Variants in EPHA4 observed in about 807,000 individuals in gnomAD.
The protein encoded by EPHA4 is EPH receptor A4.
In EPHA4, 19 loss-of-function variants were observed where a neutral mutation model predicts 108.3. That is an observed-to-expected ratio of 0.18 (90% confidence interval 0.12 to 0.26). EPHA4 has a LOEUF of 0.26. Among genes scored for constraint, EPHA4 ranks in the 10% least tolerant of loss-of-function variants. The pLI is 1.00. For synonymous variants in EPHA4, 449 were observed against 455.5 expected, an observed-to-expected ratio of 0.99 and a Z score of 0.18; for missense variants, 917 against 1,254.0, an observed-to-expected ratio of 0.73 and a Z score of 4.06.
chr2:221,475,937 G>A (rs1300630040), intron 5 of EPHA4, among the ~76,000 whole-genome samples: 1 of 152,026 alleles, frequency 6.6e-6, no homozygotes, highest in African/African-American at 2.4e-5. Context: ...ATCATCATTT[G>A]GCCAGGTGAG....
intron 3 of EPHA4, among the ~76,000 whole-genome samples, chr2:221,558,637 T>C (rs1372567496): frequency 1.3e-5 from 2 of 152,114 alleles, no homozygotes; most frequent in African/African-American, 4.8e-5. Context: ...AGTCATCAAA[T>C]CTTGAATACC....
intron 15 of EPHA4, 36 bp from the exon 16 acceptor site, chr2:221,426,655 G>A: frequency 6.3e-7 from 1 of 1,578,538 alleles, no homozygotes; most frequent in Non-Finnish European, 8.6e-7. Flanking sequence ...GCAGAACGGA[G>A]CTACCAGTGA....
At chr2:221,566,830 AAGGAGAAGAAGG>A (rs1474878716) in intron 2 of EPHA4, among the ~76,000 whole-genome samples, 1 of 129,100 alleles carries the variant, frequency 7.7e-6, no homozygotes, top group African/African-American at 3.1e-5. Flanking sequence ...GAAGAAGGAG[AAGGAGAAGAAGG>A]AGAAGGAGAA....
At chr2:221,465,819 C>T (rs186961362) in intron 5 of EPHA4, among the ~76,000 whole-genome samples, 2 of 152,296 alleles carry the variant, frequency 1.3e-5, no homozygotes, top group African/African-American at 2.4e-5. Context: ...ATTGCAATAA[C>T]CCATTGAACT....
At chr2:221,511,798 CCT>C (rs1449878110) in intron 3 of EPHA4, among the ~76,000 whole-genome samples, 1 of 152,144 alleles carries the variant, frequency 6.6e-6, no homozygotes, top group African/African-American at 2.4e-5. Context: ...CACAATAATT[CCT>C]TTTTTAAAAA....
chr2:221,569,756 T>G (rs1489918712), intron 1 of EPHA4, among the ~76,000 whole-genome samples: 1 of 150,068 alleles, frequency 6.7e-6, no homozygotes, highest in African/African-American at 2.5e-5. Flanking sequence ...GGGGGAGGGG[T>G]GGGAATGGGA....
chr2:221,555,791 T>C (rs1181132770), intron 3 of EPHA4, among the ~76,000 whole-genome samples: 2 of 152,214 alleles, frequency 1.3e-5, no homozygotes, highest in Admixed American at 1.3e-4. Context: ...AGCCATGTTA[T>C]TGGACACAGA....
chr2:221,522,751 TATTA>T, intron 3 of EPHA4, among the ~76,000 whole-genome samples: 1 of 37,078 alleles, frequency 2.7e-5, no homozygotes, highest in East Asian at 4.7e-4. Flanking sequence ...TTATTATTAT[TATTA>T]TTATTATTAT....
upstream of EPHA4, chr2:221,573,643 G>A (rs1383293701): frequency 6.6e-6 from 1 of 152,216 alleles, no homozygotes; most frequent in East Asian, 1.9e-4. This position sits in a 1 kb window ranked among gnomAD's most constrained non-coding sequence, Gnocchi z 4.5. Context: ...CCGCTGGGAG[G>A]TGGAGGAGCC....
intron 9 of EPHA4, among the ~76,000 whole-genome samples, chr2:221,443,810 C>G (rs577727300): frequency 7.7e-4 from 118 of 152,302 alleles, no homozygotes; most frequent in Non-Finnish European, 1.4e-3. Flanking sequence ...TGCAGCTTTA[C>G]TGACTTCCTG....
chr2:221,460,551 A>G (rs537192776), intron 5 of EPHA4, among the ~76,000 whole-genome samples: 1 of 152,338 alleles, frequency 6.6e-6, no homozygotes, highest in East Asian at 1.9e-4. Context: ...AAAACATACA[A>G]CTGCATTGTA....
At chr2:221,513,694 C>G (rs1412802002) in intron 3 of EPHA4, among the ~76,000 whole-genome samples, 2 of 152,114 alleles carry the variant, frequency 1.3e-5, no homozygotes, top group African/African-American at 4.8e-5. Context: ...TTTGAGCACA[C>G]AAGATTTTTA....
chr2:221,556,206 C>T (rs1358343658), intron 3 of EPHA4, among the ~76,000 whole-genome samples: 3 of 152,106 alleles, frequency 2.0e-5, no homozygotes, highest in African/African-American at 4.8e-5. Context: ...TAACAATTAA[C>T]GCATTGCATG....
At chr2:221,445,083 A>G (rs1381269581) in intron 9 of EPHA4, among the ~76,000 whole-genome samples, 1 of 152,124 alleles carries the variant, frequency 6.6e-6, no homozygotes, top group Non-Finnish European at 1.5e-5. Context: ...TTTCTGCACT[A>G]ATATGTGAGT....
Position 221,564,033 on chromosome 2 carries a change from C to G in EPHA4, c.521G>C (p.Gly174Ala). ...MKLNTEIRDV[G>A]PLSKKGFYLA... ...GTAAAACCCCTTTTTGCTTAATGGC[C>G]CTACATCCCGGATCTCGGTGTTCAG... is the stretch of plus-strand genomic sequence containing the variant. Residue 174 changes from glycine (G) to alanine (A), a missense_variant, in exon 3 of 18, where the codon GGG (glycine) becomes GCG (alanine). This residue lies in a region of EPHA4 where 758 missense variants were observed against 1,076.7 expected (regional missense o/e 0.70). Transcript: ENST00000281821. The G allele has an allele frequency of 6.2e-7, 1 of 1,614,012 alleles. No individual in the cohort carries two copies. Among genetic ancestry groups the G allele is most frequent in the Non-Finnish European group, 8.5e-7 (1 of 1,180,008 alleles).
In EPHA4 at chr2:221,418,638, C is replaced by G. The variant is rs1056114584; in HGVS notation, c.*2734G>C. 1 of 152,520 alleles carries G rather than the reference C, an allele frequency of 6.6e-6. No homozygotes were observed. Among genetic ancestry groups the G allele is most frequent in the African/African-American group, 2.4e-5 (1 of 41,450 alleles). 9.4% of individuals were successfully genotyped at this position (152,520 alleles called of 1,614,324 possible). A position where few individuals can be genotyped will look rare whatever the true frequency, so the allele number is the denominator to read the frequency against. ...TTTCAACCCACCAGAACATTTCACT[C>G]GTAAGATTGCTAAAAAATAACTTGG... is the stretch of plus-strand genomic sequence containing the variant. On this transcript the variant is annotated 3_prime_UTR_variant, in exon 18 of 18. Coordinates refer to ENST00000281821, the MANE Select transcript of EPHA4 (RefSeq NM_004438.5).
In EPHA4 at chr2:221,571,992, C is replaced by A. The variant is rs766879569; in HGVS notation, c.91+166G>T. 6.6e-6 allele frequency among the ~76,000 whole-genome samples: 1 copy of A among 152,166 alleles called. No homozygotes were observed. Among genetic ancestry groups the A allele is most frequent in the South Asian group, 2.1e-4 (1 of 4,832 alleles). On this transcript the variant is annotated intron_variant, in intron 1 of 17. Coordinates refer to ENST00000281821, the MANE Select transcript of EPHA4 (RefSeq NM_004438.5). The surrounding 1 kb of genome is among the most constrained non-coding windows in gnomAD (Gnocchi z 6.3). Reference sequence around the variant, plus strand: ...CGGGGCAGGCTGTCCGGCGGTTCCCCGCTGCCCCTTCGCCGATCCCCTCGC... The same window carrying A: ...CGGGGCAGGCTGTCCGGCGGTTCCCAGCTGCCCCTTCGCCGATCCCCTCGC...
chr2:221,421,917 A>C (rs1013702549), intron 17 of EPHA4: 4 of 152,180 alleles, frequency 2.6e-5, no homozygotes, highest in African/African-American at 9.7e-5. Flanking sequence ...AAAATTGTAG[A>C]AAACACTTTA....
rs576205466 is a variant in EPHA4 at position 221,547,785 on chromosome 2, C to G, written c.823+15946G>C. On this transcript the variant is annotated intron_variant, in intron 3 of 17. Coordinates refer to ENST00000281821, the MANE Select transcript of EPHA4 (RefSeq NM_004438.5). ...GTCTATCTGGGTTCAAATTGTCAAG[C>G]AGTATACATGGCCAAACACATCCAT... Among the ~76,000 whole-genome samples, 4 of 152,266 alleles carry G rather than the reference C, an allele frequency of 2.6e-5. No individual in the cohort carries two copies. The East Asian group carries it at 7.7e-4, about 29-fold the overall frequency.
Sources: gnomAD v4.1 joint callset for allele counts (sites outside exome capture counted in the v4.1 genomes callset) on GRCh38, gnomAD v4.1.1 for gene constraint, gnomAD v4.1.1 regional missense constraint, Gnocchi (gnomAD v3.1) non-coding constraint, MANE v1.5 for transcripts, NCBI Gene and HGNC (gene_info 2026-07-23, HGNC 2026-07-21) for gene names.